NPHP3: variants seen among roughly 807,000 people sequenced by gnomAD.
The protein encoded by NPHP3 is nephrocystin 3.
A neutral mutation model predicts 171.9 loss-of-function variants in NPHP3; 123 were observed. The ratio of observed to expected loss-of-function variants is 0.72; its 90% CI spans 0.62 to 0.83. NPHP3 has a LOEUF of 0.83. Among genes scored for constraint, NPHP3 ranks in the 40% least tolerant of loss-of-function variants. NPHP3 has a pLI of 0.00. For synonymous variants in NPHP3, 558 were observed against 579.2 expected, an observed-to-expected ratio of 0.96 and a Z score of 0.52; for missense variants, 1,506 against 1,591.9, an observed-to-expected ratio of 0.95 and a Z score of 0.92.
intron 1 of NPHP3, 85 bp from the exon 2 acceptor site, chr3:132,719,915 T>G: frequency 3.9e-6 from 2 of 509,512 alleles, no homozygotes; most frequent in Non-Finnish European, 5.8e-6. Flanking sequence ...TATATATATA[T>G]ATATGTTACG....
chr3:132,702,050 C>CA (rs1366344501), intron 9 of NPHP3, among the ~76,000 whole-genome samples: 2 of 151,738 alleles, frequency 1.3e-5, no homozygotes, highest in Admixed American at 1.3e-4. Context: ...AACAAACAAA[C>CA]AAAAAATGGG....
chr3:132,699,281 T>C (rs1939540693), intron 13 of NPHP3, 72 bp downstream of exon 13: 1 of 1,020,902 alleles, frequency 9.8e-7, no homozygotes, highest in Non-Finnish European at 1.5e-6. Flanking sequence ...CATAAATGCA[T>C]ATTAAAAATC....
rs763361874 is a variant in NPHP3 at position 132,722,162 on chromosome 3, C to G, written c.194G>C (p.Gly65Ala). 1.3e-6 allele frequency: 2 copies of G among 1,578,878 alleles called. No homozygotes were observed. Among genetic ancestry groups the G allele is most frequent in the South Asian group, 1.1e-5 (1 of 88,528 alleles). The change falls in exon 1 of 27, where the codon GGC (glycine) becomes GCC (alanine). Residue 65 changes from glycine (G) to alanine (A), a missense_variant. Physicochemically the swap from Gly to Ala is moderately conservative, Grantham distance 60. This residue lies in a region of NPHP3 where 930 missense variants were observed against 924.9 expected (regional missense o/e 1.01). Transcript: ENST00000337331. ...GCTGGCCCCCAGCAGCCCGCCCGCG[C>G]CCACCCCGCGGGGCAGCGACCCGGG... is the stretch of plus-strand genomic sequence containing the variant. ...AGPGSLPRGV[G>A]AGGLLGASFK...
Position 132,719,242 on chromosome 3 carries a change from T to C in NPHP3, c.520-98A>G, listed in dbSNP as rs947314368. 6.3e-6 allele frequency: 6 copies of C among 953,674 alleles called. No homozygotes were observed. In the Middle Eastern group the frequency reaches 7.0e-4, roughly 111 times the overall value. The allele number at this position is 953,674 out of a possible 1,614,324, so 59.1% of individuals were successfully genotyped here. A position where few individuals can be genotyped will look rare whatever the true frequency, so the allele number is the denominator to read the frequency against. Reference sequence around the variant, plus strand: ...AAATATTTCATTCATAAAACCAATATTCATTTGGTCCTCGATTTCCTCTTT... The same window carrying C: ...AAATATTTCATTCATAAAACCAATACTCATTTGGTCCTCGATTTCCTCTTT... On this transcript the variant is annotated intron_variant, in intron 2 of 26. Transcript: ENST00000337331.
At chr3:132,700,572 T>G (rs1939582018) in intron 10 of NPHP3, 124 bp from the exon 11 acceptor site, 1 of 581,960 alleles carries the variant, frequency 1.7e-6, no homozygotes, top group Non-Finnish European at 3.0e-6. Context: ...GTCAGTTACT[T>G]TTAAATAAAT....
At chr3:132,683,089 C>T (rs1482275306) in intron 25 of NPHP3, among the ~76,000 whole-genome samples, 2 of 152,132 alleles carry the variant, frequency 1.3e-5, no homozygotes, top group African/African-American at 4.8e-5. Flanking sequence ...GCTCCCCCAC[C>T]TGATTCTCAC....
intron 17 of NPHP3, among the ~76,000 whole-genome samples, chr3:132,692,317 A>C (rs1250670308): frequency 1.3e-5 from 2 of 152,228 alleles, no homozygotes; most frequent in Non-Finnish European, 2.9e-5. Flanking sequence ...TGACTGTATA[A>C]TAATACCGCA....
At chr3:132,704,713 A>AAT (rs1349924212) in intron 8 of NPHP3, among the ~76,000 whole-genome samples, 7 of 152,332 alleles carry the variant, frequency 4.6e-5, no homozygotes, top group Admixed American at 4.6e-4. Context: ...ATGGCTAGGA[A>AAT]ATATGCTATA....
chr3:132,690,435 A>G, intron 19 of NPHP3, 93 bp downstream of exon 19: 1 of 1,220,040 alleles, frequency 8.2e-7, no homozygotes, highest in South Asian at 1.3e-5. Flanking sequence ...TACTTAGACT[A>G]ATTTTTAAAT....
At chr3:132,692,354 C>T (rs969545408) in intron 17 of NPHP3, among the ~76,000 whole-genome samples, 5 of 152,136 alleles carry the variant, frequency 3.3e-5, no homozygotes, top group Admixed American at 1.3e-4. Context: ...TTGAAAAAGA[C>T]TTTTTTTCTC....
At chr3:132,695,382 G>T (rs1939428155) in intron 15 of NPHP3, among the ~76,000 whole-genome samples, 1 of 152,064 alleles carries the variant, frequency 6.6e-6, no homozygotes, top group Non-Finnish European at 1.5e-5. Context: ...TCATTAAATA[G>T]GGGGGTATGT....
chr3:132,692,856 C>T (rs567644585), intron 16 of NPHP3, 38 bp from the exon 17 acceptor site: 1 of 1,569,598 alleles, frequency 6.4e-7, no homozygotes, highest in Non-Finnish European at 8.8e-7. Flanking sequence ...TCATAAAGCA[C>T]CTGTATAAGT....
Position 132,686,364 on chromosome 3 carries a change from T to A in NPHP3, c.3225A>T (p.Arg1075Ser). 1.9e-6 allele frequency: 3 copies of A among 1,614,090 alleles called. No individual in the cohort carries two copies. Among genetic ancestry groups the A allele is most frequent in the Non-Finnish European group, 2.5e-6 (3 of 1,179,974 alleles). ...TAAGCTCTTCTAACTGTAAAGCCCG[T>A]CTACGTAAAAGGGCAAATCCGTACT... is the stretch of plus-strand genomic sequence containing the variant. Reference protein sequence around the residue: ...GNLYGFALLRRRALQLEELTL... With the variant: ...GNLYGFALLRSRALQLEELTL... Residue 1075 changes from arginine to serine, a missense_variant, in exon 23 of 27, where the codon AGA becomes AGT. Around this residue, in one of 3 missense-constraint regions of NPHP3, gnomAD observed 569 missense variants for 648.1 expected, o/e 0.88. Transcript: ENST00000337331.
intron 12 of NPHP3, among the ~76,000 whole-genome samples, 179 bp from the exon 13 acceptor site, chr3:132,699,629 C>T (rs940666081): frequency 1.3e-5 from 2 of 152,076 alleles, no homozygotes; most frequent in Admixed American, 6.6e-5. Flanking sequence ...ATTATTATCA[C>T]CAATCTGAAC....
chr3:132,705,389 G>C (rs1939721015), intron 8 of NPHP3, among the ~76,000 whole-genome samples: 1 of 152,128 alleles, frequency 6.6e-6, no homozygotes, highest in Non-Finnish European at 1.5e-5. Flanking sequence ...AAACCTGAGA[G>C]AGACTTTCCT....
chr3:132,699,897 G>A lies in NPHP3; in HGVS notation c.1887+21C>T, dbSNP rs555611841. ...CATCTCTTTCTGAGCATATCAATAG[G>A]TAACAAATGGAAAACGGTACCTGAA... On this transcript the variant is annotated intron_variant, in intron 12 of 26. Transcript: ENST00000337331. 3 of 1,613,088 alleles carry A rather than the reference G, an allele frequency of 1.9e-6. No individual in the cohort carries two copies. The East Asian group carries it at 6.7e-5, about 36-fold the overall frequency.
chr3:132,698,693 C>T (rs1384310872), intron 13 of NPHP3, among the ~76,000 whole-genome samples: 1 of 152,208 alleles, frequency 6.6e-6, no homozygotes, highest in Non-Finnish European at 1.5e-5. Context: ...TAACTGCCTA[C>T]TAGACATCGT....
At chr3:132,712,961 TTTTAA>T (rs550775457) in intron 6 of NPHP3, among the ~76,000 whole-genome samples, 160 bp downstream of exon 6, 189 of 152,256 alleles carry the variant, frequency 1.2e-3, no homozygotes, top group African/African-American at 4.0e-3. Flanking sequence ...AGCTTAAAAC[TTTTAA>T]TTATTTTATT....
At position 132,684,615 on chromosome 3, in the gene NPHP3, G is replaced by A; in HGVS notation, c.3509C>T (p.Ala1170Val). 1 of 1,613,952 alleles carries A rather than the reference G, an allele frequency of 6.2e-7. No individual in the cohort carries two copies. Residue 1170 changes from alanine to valine, a missense_variant, in exon 24 of 27, where the codon GCT (alanine) becomes GTT (valine). Physicochemically the swap from Ala to Val is moderately conservative, Grantham distance 64. Coordinates refer to ENST00000337331, the MANE Select transcript of NPHP3 (RefSeq NM_153240.5). ...RALDIRRRAL[A>V]PDHPSLAYTV... ...ATATGCCAAAGAAGGGTGATCAGGA[G>A]CTAATGCACGTCTCCGAATATCTAA... is the stretch of plus-strand genomic sequence containing the variant.
Sources: gnomAD v4.1 joint callset for allele counts (sites outside exome capture counted in the v4.1 genomes callset) on GRCh38, gnomAD v4.1.1 for gene constraint, gnomAD v4.1.1 regional missense constraint, MANE v1.5 for transcripts, NCBI Gene and HGNC (gene_info 2026-07-23, HGNC 2026-07-21) for gene names.